The following UBALD1 variants were observed in gnomAD, a reference collection of about 807,000 sequenced individuals.
UBALD1 encodes the protein UBA-like domain-containing protein 1.
A neutral mutation model predicts 16.1 loss-of-function variants in UBALD1; 5 were observed. The ratio of observed to expected loss-of-function variants is 0.31; its 90% confidence interval spans 0.16 to 0.66. The LOEUF is 0.66. Ranked by LOEUF, UBALD1 falls within the 30% of genes least tolerant of loss-of-function variation. The pLI is 0.77. For synonymous variants in UBALD1, 146 were observed against 105.3 expected, an observed-to-expected ratio of 1.39 and a Z score of -2.37; for missense variants, 220 against 252.8, an observed-to-expected ratio of 0.87 and a Z score of 0.88.
At position 4,609,515 on chromosome 16, in the gene UBALD1, C is replaced by A; in HGVS notation, c.*118G>T. 1 of 467,600 alleles carries A rather than the reference C, an allele frequency of 2.1e-6. No individual in the cohort carries two copies. Among genetic ancestry groups the A allele is most frequent in the African/African-American group, 2.0e-5 (1 of 49,698 alleles). The allele number at this position is 467,600 out of a possible 1,614,324, so 29.0% of individuals were successfully genotyped here. A position where few individuals can be genotyped will look rare whatever the true frequency, so the allele number is the denominator to read the frequency against. On this transcript the variant is annotated 3_prime_UTR_variant, in exon 3 of 3. Transcript: ENST00000283474. ...TGCCTGGCTAGAGTCCGCGCTCTCC[C>A]CTCCAGGGCTCCGGGGAACAAGGGG...
chr16:4,613,491 C>G (rs1410485968), intron 1 of UBALD1, among the ~76,000 whole-genome samples: 1 of 152,162 alleles, frequency 6.6e-6, no homozygotes, highest in Non-Finnish European at 1.5e-5. Context: ...TTGGGACATT[C>G]TGATCCCCCT....
chr16:4,610,523 G>A lies in UBALD1; in HGVS notation c.153C>T (p.Asn51=). 1.9e-6 allele frequency: 3 copies of A among 1,612,544 alleles called. No homozygotes were observed. Among genetic ancestry groups the A allele is most frequent in the South Asian group, 2.2e-5 (2 of 90,786 alleles). The change falls in exon 2 of 3, where the codon AAC becomes AAT. Residue 51 remains asparagine, a synonymous_variant. Coordinates refer to ENST00000283474, the MANE Select transcript of UBALD1 (RefSeq NM_145253.3). ...TALSAFFQET[N]IPYSHHHHQM... ...GGTGGTGATGGTGGCTGTAGGGGAT[G>A]TTGGTCTCCTGGAAAAAGGCGCTGA...
chr16:4,612,326 T>G (rs1897368673), intron 1 of UBALD1, among the ~76,000 whole-genome samples: 1 of 152,050 alleles, frequency 6.6e-6, no homozygotes, highest in Admixed American at 6.6e-5. Context: ...CCTCCCAAAG[T>G]GCTGGGATTA....
Position 4,609,597 on chromosome 16 carries a change from G to A in UBALD1, c.*36C>T, listed in dbSNP as rs748315853. The A allele has an allele frequency of 1.2e-5, 12 of 973,880 alleles. No homozygotes were observed. Among genetic ancestry groups the A allele is most frequent in the African/African-American group, 3.4e-5 (2 of 59,408 alleles). 60.3% of individuals were successfully genotyped at this position (973,880 alleles called of 1,614,324 possible). A position where few individuals can be genotyped will look rare whatever the true frequency, so the allele number is the denominator to read the frequency against. Reference sequence around the variant, plus strand: ...AGAGACGTCCTCTCCCCCGCCCCACGGGGTCCTGGCCTCCGGGAGGGGGGA... The same window carrying A: ...AGAGACGTCCTCTCCCCCGCCCCACAGGGTCCTGGCCTCCGGGAGGGGGGA... On this transcript the variant is annotated 3_prime_UTR_variant, in exon 3 of 3. Transcript: ENST00000283474.
At position 4,609,832 on chromosome 16, in the gene UBALD1, G is replaced by C. The variant is rs781647475; in HGVS notation, c.335C>G (p.Pro112Arg). Reference protein sequence around the residue: ...ATATSPPPHFPHAATSSSAAS... With the variant: ...ATATSPPPHFRHAATSSSAAS... Reference sequence around the variant, plus strand: ...CGCAGAGCTGCTGGTGGCGGCATGGGGGAAGTGTGGCGGGGGTGACGTGGC... The same window carrying C: ...CGCAGAGCTGCTGGTGGCGGCATGGCGGAAGTGTGGCGGGGGTGACGTGGC... Residue 112 changes from proline (P) to arginine (R), a missense_variant, in exon 3 of 3, where the codon CCC becomes CGC. Transcript: ENST00000283474. The C allele has an allele frequency of 6.5e-7, 1 of 1,532,742 alleles. No homozygotes were observed. The highest frequency in any genetic ancestry group is 1.3e-5 in the South Asian group (1 of 79,790). The allele number at this position is 1,532,742 out of a possible 1,614,324, so 94.9% of individuals were successfully genotyped here. A position where few individuals can be genotyped will look rare whatever the true frequency, so the allele number is the denominator to read the frequency against.
In UBALD1 at chr16:4,610,033, GC is replaced by G. The variant is rs772897148; in HGVS notation, c.184-51del. The G allele has an allele frequency of 9.5e-6, 13 of 1,367,704 alleles. No homozygotes were observed. The Admixed American group carries it at 2.3e-4, about 25-fold the overall frequency. The allele number at this position is 1,367,704 out of a possible 1,614,324, so 84.7% of individuals were successfully genotyped here. ...GGGGTGAGCACCCCTTCCTGGAGGG[GC>G]CCCCACTGCCTCCCAAGGGGAGATG... is the stretch of plus-strand genomic sequence containing the variant. On this transcript the variant is annotated intron_variant, in intron 2 of 2. Transcript: ENST00000283474.
chr16:4,613,361 G>A (rs965609940), intron 1 of UBALD1, among the ~76,000 whole-genome samples: 1 of 152,172 alleles, frequency 6.6e-6, no homozygotes, highest in Non-Finnish European at 1.5e-5. Context: ...CCACGTCCTG[G>A]GGTGAACACC....
intron 2 of UBALD1, 105 bp from the exon 3 acceptor site, chr16:4,610,088 G>A (rs1231300757): frequency 1.1e-6 from 1 of 941,912 alleles, no homozygotes; most frequent in Non-Finnish European, 1.7e-6. Flanking sequence ...GGAAGGCTCT[G>A]TGTTCCTTCC....
rs551127037 is a variant in UBALD1, at chr16:4,614,185, G to A, written c.120+493C>T. 107 of 262,564 alleles carry A rather than the reference G, an allele frequency of 4.1e-4. 1 individual carries two copies. The highest frequency in any genetic ancestry group is 7.1e-4 in the Admixed American group (13 of 18,434). 16.3% of individuals were successfully genotyped at this position (262,564 alleles called of 1,614,324 possible). On this transcript the variant is annotated intron_variant, in intron 1 of 2. Coordinates refer to ENST00000283474, the MANE Select transcript of UBALD1 (RefSeq NM_145253.3). Reference sequence around the variant, plus strand: ...TCCGCCACCTCCCCGGTGCCCGGCCGACGCCGTGGCGCGGTGCGTGCGTAA... The same window carrying A: ...TCCGCCACCTCCCCGGTGCCCGGCCAACGCCGTGGCGCGGTGCGTGCGTAA...
chr16:4,612,888 G>A (rs1897375232), intron 1 of UBALD1, among the ~76,000 whole-genome samples: 1 of 151,986 alleles, frequency 6.6e-6, no homozygotes, highest in Admixed American at 6.5e-5. Flanking sequence ...CCTCCCATGG[G>A]GACCCTGGGA....
rs1897407413 is a variant in UBALD1, at chr16:4,614,846, C to G, written c.-49G>C. ...GGCCTCCCTCCTCCGCCCGCGCCTC[C>G]GCCTCACGCGTCCACCATTAGCGAG... On this transcript the variant is annotated 5_prime_UTR_variant, in exon 1 of 3. Coordinates refer to ENST00000283474, the MANE Select transcript of UBALD1 (RefSeq NM_145253.3). 1 of 1,441,106 alleles carries G rather than the reference C, an allele frequency of 6.9e-7. No homozygotes were observed. Among genetic ancestry groups the G allele is most frequent in the African/African-American group, 1.5e-5 (1 of 68,080 alleles). The allele number at this position is 1,441,106 out of a possible 1,614,324, so 89.3% of individuals were successfully genotyped here. A position where few individuals can be genotyped will look rare whatever the true frequency, so the allele number is the denominator to read the frequency against.
At chr16:4,614,248 C>A (rs986015292) in intron 1 of UBALD1, 1 of 346,360 alleles carries the variant, frequency 2.9e-6, no homozygotes, top group East Asian at 4.3e-5. Flanking sequence ...CGCCGCCGAC[C>A]GCCCACCAGG....
chr16:4,610,813 C>G (rs1220742885), intron 1 of UBALD1: 6 of 512,328 alleles, frequency 1.2e-5, no homozygotes, highest in Non-Finnish European at 2.1e-5. Flanking sequence ...GCCTCAGTGC[C>G]TAAGGCCTGC....
At chr16:4,611,868 T>C (rs1897362177) in intron 1 of UBALD1, among the ~76,000 whole-genome samples, 1 of 152,026 alleles carries the variant, frequency 6.6e-6, no homozygotes, top group Non-Finnish European at 1.5e-5. Flanking sequence ...TTTGAGGGGT[T>C]CTCGGGGCCC....
At chr16:4,610,418 A>G in intron 2 of UBALD1, 75 bp downstream of exon 2, 1 of 1,493,086 alleles carries the variant, frequency 6.7e-7, no homozygotes, top group Non-Finnish European at 9.0e-7. Flanking sequence ...CACCGGGGCC[A>G]GGGGCTGCTT....
intron 2 of UBALD1, 69 bp downstream of exon 2, chr16:4,610,424 T>G: frequency 1.3e-6 from 2 of 1,510,568 alleles, no homozygotes; most frequent in Non-Finnish European, 1.8e-6. Context: ...GGCCAGGGGC[T>G]GCTTATACAC....
intron 1 of UBALD1, 49 bp from the exon 2 acceptor site, chr16:4,610,604 G>C: frequency 6.3e-7 from 1 of 1,577,706 alleles, no homozygotes; most frequent in Non-Finnish European, 8.6e-7. Flanking sequence ...CGCCGGCCCT[G>C]CCGCTGCCCT....
In UBALD1 at chr16:4,609,090, G is replaced by A. The variant is rs568508079; in HGVS notation, c.*543C>T. On this transcript the variant is annotated 3_prime_UTR_variant, in exon 3 of 3. Transcript: ENST00000283474. The stretch of plus-strand genomic sequence containing the variant: ...GGGGTGGGGAGGAGGCAGGGCCCTG[G>A]GGAGGGGGCGGCGGGCAGGGGGCTG... 6.6e-6 allele frequency: 1 copy of A among 151,506 alleles called. No individual in the cohort carries two copies. Among genetic ancestry groups the A allele is most frequent in the African/African-American group, 2.4e-5 (1 of 41,088 alleles). 9.4% of individuals were successfully genotyped at this position (151,506 alleles called of 1,614,324 possible).
intron 1 of UBALD1, among the ~76,000 whole-genome samples, chr16:4,613,006 C>A (rs1567148283): frequency 6.6e-6 from 1 of 151,600 alleles, no homozygotes; most frequent in African/African-American, 2.4e-5. Flanking sequence ...AGGGATGTGG[C>A]CTGGGTGCCA....
Sources: gnomAD v4.1 joint callset for allele counts (sites outside exome capture counted in the v4.1 genomes callset) on GRCh38, gnomAD v4.1.1 for gene constraint, MANE v1.5 for transcripts, NCBI Gene and HGNC (gene_info 2026-07-23, HGNC 2026-07-21) for gene names.